Variants in TTC21A observed in about 807,000 individuals in gnomAD.
The protein encoded by TTC21A is tetratricopeptide repeat protein 21A.
TTC21A carries 128 observed loss-of-function variants against 156.4 expected under a neutral mutation model. The ratio of observed to expected loss-of-function variants is 0.82; its 90% confidence interval spans 0.71 to 0.95. TTC21A has a LOEUF of 0.95. Ranked by LOEUF, TTC21A falls within the 40% of genes least tolerant of loss-of-function variation. The probability of loss-of-function intolerance (pLI) is 0.00; values close to 1 mark genes in which losing one functional copy is unlikely to be tolerated. For missense variants in TTC21A, 1,435 were observed against 1,602.3 expected, an observed-to-expected ratio of 0.90 and a Z score of 1.78; for synonymous variants, 587 against 617.1, an observed-to-expected ratio of 0.95 and a Z score of 0.72.
At chr3:39,125,621 G>T in intron 11 of TTC21A, 89 bp downstream of exon 11, 1 of 987,694 alleles carries the variant, frequency 1.0e-6, no homozygotes. Context: ...GACCTTACTT[G>T]GCCAGTCACA....
At chr3:39,118,908 T>C (rs1877564) in intron 7 of TTC21A, 21,436 of 152,014 alleles carry the variant, frequency 0.14, 2,074 homozygotes, top group Non-Finnish European at 0.2. Flanking sequence ...AGCTCTGAGA[T>C]TGTGGATTTT....
At chr3:39,117,435 G>C (rs1302358174) in intron 6 of TTC21A, among the ~76,000 whole-genome samples, 2 of 152,176 alleles carry the variant, frequency 1.3e-5, no homozygotes, top group Non-Finnish European at 2.9e-5. Flanking sequence ...AAACCTCATA[G>C]TATGGTCAGA....
intron 12 of TTC21A, 97 bp downstream of exon 12, chr3:39,126,487 C>T: frequency 2.4e-6 from 2 of 827,878 alleles, no homozygotes; most frequent in Non-Finnish European, 1.8e-6. Flanking sequence ...CACACACACA[C>T]ACACACACAC....
chr3:39,128,613 G>C, intron 13 of TTC21A, 104 bp from the exon 14 acceptor site: 1 of 1,561,056 alleles, frequency 6.4e-7, no homozygotes, highest in East Asian at 2.2e-5. Context: ...CAAAGGCAGG[G>C]GTAGGCTCAG....
At position 39,129,305 on chromosome 3, in the gene TTC21A, C is replaced by T; in HGVS notation, c.2130C>T (p.Cys710=). The T allele has an allele frequency of 1.2e-6, 2 of 1,612,446 alleles. No individual in the cohort carries two copies. Among genetic ancestry groups the T allele is most frequent in the Non-Finnish European group, 1.7e-6 (2 of 1,178,392 alleles). Residue 710 remains cysteine, a synonymous_variant, in exon 15 of 29, where the codon TGC becomes TGT. Transcript: ENST00000683103. ...TLRDRRLYIR[C]YRELCEHLPG... ...GAGACAGGCGCCTCTACATCAGATGCTACCGGTAAGCCCCACAGGCAGCAC... is the reference window on the plus strand; with the variant it reads ...GAGACAGGCGCCTCTACATCAGATGTTACCGGTAAGCCCCACAGGCAGCAC...
intron 6 of TTC21A, among the ~76,000 whole-genome samples, chr3:39,115,251 A>G (rs2037179654): frequency 6.6e-6 from 1 of 152,334 alleles, no homozygotes; most frequent in East Asian, 1.9e-4. Context: ...TTGGGCATGT[A>G]GAAACCAGAC....
In TTC21A at chr3:39,130,329, G is replaced by C; in HGVS notation, c.2290G>C (p.Ala764Pro). 6.2e-7 allele frequency: 1 copy of C among 1,613,562 alleles called. No homozygotes were observed. Among genetic ancestry groups the C allele is most frequent in the East Asian group, 2.2e-5 (1 of 44,860 alleles). ...DASLASRIGH[A>P]YVKAHQYTEA... ...CTCCCTGGCCAGCAGAATTGGGCAC[G>C]CTTATGTGAAGGCCCACCAGTATAC... Residue 764 changes from alanine (A) to proline (P), a missense_variant, in exon 17 of 29, where the codon GCT becomes CCT. Transcript: ENST00000683103. The surrounding 1 kb of genome is among the most constrained non-coding windows in gnomAD (Gnocchi z 4.5).
chr3:39,108,217 C>T (rs1480980787), intron 1 of TTC21A: 4 of 445,906 alleles, frequency 9.0e-6, no homozygotes, highest in African/African-American at 8.1e-5. Context: ...ACTCATACCT[C>T]TTCCCTATAC....
chr3:39,134,428 G>A lies in TTC21A; in HGVS notation c.2862+100G>A, dbSNP rs1420077081. ...ACTTCCTAGCCCCGTAACCTCAGAT[G>A]CCTCACTGACACACCTCTGAGGAGC... On this transcript the variant is annotated intron_variant, in intron 21 of 28. Transcript: ENST00000683103. The surrounding 1 kb of genome is among the most constrained non-coding windows in gnomAD (Gnocchi z 4.6). 1 of 851,594 alleles carries A rather than the reference G, an allele frequency of 1.2e-6. No individual in the cohort carries two copies. 52.8% of individuals were successfully genotyped at this position (851,594 alleles called of 1,614,324 possible). A position where few individuals can be genotyped will look rare whatever the true frequency, so the allele number is the denominator to read the frequency against.
chr3:39,114,490 C>T (rs2037108224), intron 5 of TTC21A, 95 bp from the exon 6 acceptor site: 1 of 1,282,436 alleles, frequency 7.8e-7, no homozygotes, highest in South Asian at 1.3e-5. Context: ...AGGTTCTGTT[C>T]CTGTTTTCAT....
chr3:39,126,922 C>T (rs1324460393), intron 12 of TTC21A, among the ~76,000 whole-genome samples: 1 of 152,170 alleles, frequency 6.6e-6, no homozygotes, highest in African/African-American at 2.4e-5. Context: ...CGAGGGAGCA[C>T]ATCGTATTTT....
chr3:39,114,796 T>C, intron 6 of TTC21A, 54 bp downstream of exon 6: 1 of 1,601,704 alleles, frequency 6.2e-7, no homozygotes, highest in Non-Finnish European at 8.5e-7. Flanking sequence ...TTTACCATCT[T>C]ATAAGCTGGG....
At chr3:39,124,561 A>AG (rs760310628) in intron 9 of TTC21A, among the ~76,000 whole-genome samples, 2 of 148,582 alleles carry the variant, frequency 1.3e-5, no homozygotes, top group Non-Finnish European at 3.0e-5. Flanking sequence ...CAGGAGGCTG[A>AG]GGCAGGAGAA....
Position 39,130,389 on chromosome 3 carries a change from G to C in TTC21A, c.2319+31G>C. 6.4e-7 allele frequency: 1 copy of C among 1,565,340 alleles called. No homozygotes were observed. Among genetic ancestry groups the C allele is most frequent in the Non-Finnish European group, 8.7e-7 (1 of 1,143,240 alleles). On this transcript the variant is annotated intron_variant, in intron 17 of 28. Coordinates refer to ENST00000683103, the MANE Select transcript of TTC21A (RefSeq NM_001366900.1). This position sits in a 1 kb window ranked among gnomAD's most constrained non-coding sequence, Gnocchi z 4.5. Reference sequence around the variant, plus strand: ...GCTGGGCTAGGGTGTGAAGGGGCAGGGAGGGCCAGCCCAGCAGGGAAGGAG... The same window carrying C: ...GCTGGGCTAGGGTGTGAAGGGGCAGCGAGGGCCAGCCCAGCAGGGAAGGAG...
At chr3:39,133,017 T>G in intron 19 of TTC21A, 35 bp from the exon 20 acceptor site, 1 of 1,606,742 alleles carries the variant, frequency 6.2e-7, no homozygotes, top group Non-Finnish European at 8.5e-7. Context: ...TGTCAGGCTC[T>G]GAGTTTCTGA....
At chr3:39,108,626 T>G (rs1331768157) in intron 1 of TTC21A, among the ~76,000 whole-genome samples, 1 of 152,236 alleles carries the variant, frequency 6.6e-6, no homozygotes, top group Non-Finnish European at 1.5e-5. Context: ...AACTTAACTT[T>G]AAAATCTCAG....
chr3:39,137,948 G>A (rs1559723159), intron 26 of TTC21A, among the ~76,000 whole-genome samples: 1 of 152,166 alleles, frequency 6.6e-6, no homozygotes, highest in African/African-American at 2.4e-5. Context: ...GAACACTAAA[G>A]GACAGAAAGA....
At chr3:39,118,040 A>T (rs1413539570) in intron 6 of TTC21A, 29 bp from the exon 7 acceptor site, 2 of 1,547,934 alleles carry the variant, frequency 1.3e-6, no homozygotes, top group Non-Finnish European at 8.9e-7. Flanking sequence ...CAATACTCTC[A>T]ATTCATGTGC....
rs772623203 is a variant in TTC21A, at chr3:39,109,069, G to A, written c.28-16G>A. On this transcript the variant is annotated splice_polypyrimidine_tract_variant and intron_variant, in intron 1 of 28. Coordinates refer to ENST00000683103, the MANE Select transcript of TTC21A (RefSeq NM_001366900.1). ...GAAGGGACTGGGCTATTGCAGTTAT[G>A]TCTTCCTTCATACAGGCTGGGATCA... 3 of 1,611,802 alleles carry A rather than the reference G, an allele frequency of 1.9e-6. No homozygotes were observed. The highest frequency in any genetic ancestry group is 1.3e-5 in the African/African-American group (1 of 74,890).
Sources: allele counts gnomAD v4.1 joint callset (sites outside exome capture counted in the v4.1 genomes callset), GRCh38; gene constraint gnomAD v4.1.1; non-coding constraint Gnocchi (gnomAD v3.1); transcripts MANE v1.5; gene names NCBI Gene and HGNC (gene_info 2026-07-23, HGNC 2026-07-21).